Variants in STS observed in about 807,000 individuals in gnomAD.
The protein encoded by STS is steryl-sulfatase.
Under a neutral mutation model 26.8 loss-of-function variants are expected in STS, and 7 were observed. The ratio of observed to expected loss-of-function variants is 0.26; its 90% CI spans 0.15 to 0.49. STS has a LOEUF of 0.49. Among genes scored for constraint, STS ranks in the 20% least tolerant of loss-of-function variants. The pLI, the probability that STS is intolerant of heterozygous loss-of-function variation, is 0.98. For missense variants in STS, 434 were observed against 465.6 expected, an observed-to-expected ratio of 0.93 and a Z score of 0.63; for synonymous variants, 199 against 189.4, an observed-to-expected ratio of 1.05 and a Z score of -0.42.
chrX:7,233,007 G>A (rs1264462233), intron 2 of STS, among the ~76,000 whole-genome samples: 1 of 110,503 alleles, frequency 9.0e-6, no homozygotes, highest in Non-Finnish European at 1.9e-5. Context: ...TGACTTTCCT[G>A]AGACCTCCCC....
intron 1 of STS, among the ~76,000 whole-genome samples, chrX:7,169,813 G>A (rs1318638242): frequency 9.5e-6 from 1 of 104,803 alleles, no homozygotes; most frequent in Non-Finnish European, 1.9e-5. Context: ...CCTGCAGCCT[G>A]TTGGAAAAGG....
intron 6 of STS, among the ~76,000 whole-genome samples, chrX:7,268,975 C>T (rs1284997868): frequency 9.2e-6 from 1 of 108,435 alleles, no homozygotes; most frequent in Admixed American, 1.0e-4. Flanking sequence ...ATAGTGAGAC[C>T]CTGTCTCTAC....
At chrX:7,298,196 G>A (rs1228734515) in intron 7 of STS, among the ~76,000 whole-genome samples, 1 of 111,590 alleles carries the variant, frequency 9.0e-6, no homozygotes, top group African/African-American at 3.3e-5. Flanking sequence ...CCAAAAGACA[G>A]CACATCACTT....
At chrX:7,269,769 C>T (rs1022358720) in intron 6 of STS, among the ~76,000 whole-genome samples, 4 of 111,187 alleles carry the variant, frequency 3.6e-5, no homozygotes, top group Middle Eastern at 4.2e-3. Context: ...TTGGGGGTGG[C>T]GGTTGTTGAT....
At position 7,199,539 on chromosome X, in the gene STS, G is replaced by T. The variant is rs763675292; in HGVS notation, c.-5+8531G>T. On this transcript the variant is annotated intron_variant, in intron 2 of 10. Coordinates refer to ENST00000674429, the MANE Select transcript of STS (RefSeq NM_001320752.2). ...CTTAGACTTCTAAATTTTTATGACT[G>T]TTTTAGTTTCTGGGAGTCCTTAGGG... Among the ~76,000 whole-genome samples, 73 of 111,329 alleles carry T rather than the reference G, an allele frequency of 6.6e-4. 1 individual carries two copies. Among genetic ancestry groups the T allele is most frequent in the African/African-American group, 2.3e-3 (70 of 30,738 alleles).
At chrX:7,195,292 C>T (rs749545569) in intron 2 of STS, among the ~76,000 whole-genome samples, 10 of 111,811 alleles carry the variant, frequency 8.9e-5, no homozygotes, top group Admixed American at 3.8e-4. Context: ...ACAGGGTTCA[C>T]GTGACAACAT....
intron 2 of STS, among the ~76,000 whole-genome samples, chrX:7,217,807 A>G (rs1431460646): frequency 1.8e-5 from 2 of 112,063 alleles, no homozygotes; most frequent in Non-Finnish European, 3.8e-5. Flanking sequence ...AAGGCAAAAC[A>G]TATTAAATAT....
At chrX:7,343,567 G>A (rs1928387600) in intron 10 of STS, among the ~76,000 whole-genome samples, 1 of 111,853 alleles carries the variant, frequency 8.9e-6, no homozygotes, top group African/African-American at 3.3e-5. Context: ...GAGCAGACTG[G>A]GACACAGAGA....
chrX:7,283,633 A>G (rs984313069), intron 7 of STS, among the ~76,000 whole-genome samples: 4 of 110,518 alleles, frequency 3.6e-5, no homozygotes, highest in Non-Finnish European at 5.7e-5. Flanking sequence ...TTTCAGTTCA[A>G]TGCAGGGCCA....
At chrX:7,287,924 G>A (rs745915676) in intron 7 of STS, among the ~76,000 whole-genome samples, 1 of 110,346 alleles carries the variant, frequency 9.1e-6, no homozygotes, top group East Asian at 2.8e-4. Flanking sequence ...CATACTCTTA[G>A]CAACCCTGGA....
intron 10 of STS, among the ~76,000 whole-genome samples, chrX:7,343,707 C>A (rs1928394858): frequency 8.9e-6 from 1 of 111,845 alleles, no homozygotes; most frequent in Non-Finnish European, 1.9e-5. Flanking sequence ...GCCGAAGCAC[C>A]TGCCCTCTAG....
chrX:7,151,058 G>A (rs1296456097), intron 1 of STS, among the ~76,000 whole-genome samples: 1 of 112,207 alleles, frequency 8.9e-6, no homozygotes, highest in Non-Finnish European at 1.9e-5. Context: ...ATTATCAATG[G>A]GACAAATAAA....
intron 2 of STS, among the ~76,000 whole-genome samples, chrX:7,234,689 G>C (rs1258992692): frequency 9.0e-6 from 1 of 111,504 alleles, no homozygotes; most frequent in Non-Finnish European, 1.9e-5. Flanking sequence ...CTTCAAACTT[G>C]AGCATCCTTT....
At chrX:7,316,969 C>T (rs1926738138) in intron 8 of STS, among the ~76,000 whole-genome samples, 3 of 112,009 alleles carry the variant, frequency 2.7e-5, no homozygotes, top group Admixed American at 1.9e-4. Context: ...GAATGACTAG[C>T]ATATGCTCTT....
At chrX:7,290,556 C>T (rs1925366029) in intron 7 of STS, among the ~76,000 whole-genome samples, 1 of 111,991 alleles carries the variant, frequency 8.9e-6, no homozygotes, top group Non-Finnish European at 1.9e-5. Context: ...ACAAAATCAG[C>T]AGATTGCAGA....
chrX:7,263,387 C>G lies in STS; in HGVS notation c.806+3615C>G, dbSNP rs747500432. 1.0e-3 allele frequency among the ~76,000 whole-genome samples: 118 copies of G among 112,821 alleles called. 1 individual carries two copies. Among genetic ancestry groups the G allele is most frequent in the Non-Finnish European group, 6.2e-4 (33 of 53,370 alleles). On this transcript the variant is annotated intron_variant, in intron 6 of 10. Transcript: ENST00000674429. ...CCCGGCCACGTTTGTATCTTTTATA[C>G]TGTATTTTTTCCTGTACCTTTTCTA...
chrX:7,325,265 A>G (rs1298992419), intron 8 of STS, 74 bp from the exon 9 acceptor site: 4 of 1,097,204 alleles, frequency 3.6e-6, no homozygotes, highest in Non-Finnish European at 5.0e-6. Context: ...TTGAGCACGA[A>G]AGAGTCCATT....
At position 7,354,403 on chromosome X, in the gene STS, T is replaced by G. The variant is rs1392292451; in HGVS notation, c.*4142T>G. The G allele has an allele frequency of 8.9e-6, 1 of 111,801 alleles. No individual in the cohort carries two copies. The highest frequency in any genetic ancestry group is 1.9e-5 in the Non-Finnish European group (1 of 53,240). 9.2% of individuals were successfully genotyped at this position (111,801 alleles called of 1,213,427 possible). A position where few individuals can be genotyped will look rare whatever the true frequency, so the allele number is the denominator to read the frequency against. On this transcript the variant is annotated 3_prime_UTR_variant, in exon 11 of 11. Transcript: ENST00000674429. ...GATGGTCCTAAATAAAGTCTTACTGTGCTTTAATAGGTAGCATTGAAAAAT... is the reference window on the plus strand; with the variant it reads ...GATGGTCCTAAATAAAGTCTTACTGGGCTTTAATAGGTAGCATTGAAAAAT...
At chrX:7,301,467 T>G (rs1306149872) in intron 7 of STS, among the ~76,000 whole-genome samples, 1 of 111,308 alleles carries the variant, frequency 9.0e-6, no homozygotes, top group Non-Finnish European at 1.9e-5. Flanking sequence ...GTAAAGAGTG[T>G]TCATACACTC....
Sources: gnomAD v4.1 joint callset for allele counts (sites outside exome capture counted in the v4.1 genomes callset) on GRCh38, gnomAD v4.1.1 for gene constraint, MANE v1.5 for transcripts, NCBI Gene and HGNC (gene_info 2026-07-23, HGNC 2026-07-21) for gene names.